Variants in PTPRD observed in about 807,000 individuals in gnomAD.
PTPRD encodes the protein receptor-type tyrosine-protein phosphatase delta.
Under a neutral mutation model 214.5 loss-of-function variants are expected in PTPRD, and 34 were observed. The observed-to-expected ratio is 0.16, with a 90% CI of 0.12 to 0.21. The LOEUF is 0.21. Ranked by LOEUF, PTPRD falls within the 10% of genes least tolerant of loss-of-function variation. PTPRD has a pLI of 1.00. For synonymous variants in PTPRD, 1,128 were observed against 845.7 expected (o/e 1.33, Z -5.79); for missense variants, 2,545 against 2,398.7 (o/e 1.06, Z -1.27).
At chr9:10,031,326 C>A (rs1047951797) in intron 4 of PTPRD, among the ~76,000 whole-genome samples, 9 of 151,792 alleles carry the variant, frequency 5.9e-5, no homozygotes, top group Non-Finnish European at 8.8e-5. Flanking sequence ...ATGGGTGTTG[C>A]CAAAGGAGAT....
chr9:10,089,187 C>A (rs1434802137), intron 3 of PTPRD, among the ~76,000 whole-genome samples: 1 of 149,024 alleles, frequency 6.7e-6, no homozygotes. Context: ...GCCTGGGTGA[C>A]AGAATGAGAA....
chr9:8,646,335 G>A (rs542484592), intron 12 of PTPRD, among the ~76,000 whole-genome samples: 116 of 152,234 alleles, frequency 7.6e-4, no homozygotes, highest in African/African-American at 2.6e-3. Context: ...TAACGCATCT[G>A]TGACTACAGC....
At chr9:9,029,744 A>G (rs1482637271) in intron 10 of PTPRD, among the ~76,000 whole-genome samples, 3 of 151,906 alleles carry the variant, frequency 2.0e-5, no homozygotes, top group African/African-American at 7.2e-5. Context: ...TTCATCTCTC[A>G]GTGGAATGAA....
intron 5 of PTPRD, among the ~76,000 whole-genome samples, chr9:9,832,601 G>A (rs1389900120): frequency 1.3e-5 from 2 of 151,948 alleles, no homozygotes; most frequent in East Asian, 3.9e-4. Context: ...TTAGGTTTGG[G>A]GGTCTGTGAT....
chr9:9,112,173 T>C (rs1046455815), intron 10 of PTPRD, among the ~76,000 whole-genome samples: 3 of 152,182 alleles, frequency 2.0e-5, no homozygotes, highest in Non-Finnish European at 2.9e-5. Context: ...CTTTTTGGCA[T>C]GAAAAATGGA....
chr9:9,896,271 T>C (rs573938611), intron 5 of PTPRD, among the ~76,000 whole-genome samples: 16 of 152,148 alleles, frequency 1.1e-4, no homozygotes, highest in African/African-American at 3.9e-4. Flanking sequence ...AATGAAAGAC[T>C]TCGGAAAGTT....
At chr9:10,098,602 A>G (rs2154210590) in intron 3 of PTPRD, among the ~76,000 whole-genome samples, 1 of 151,878 alleles carries the variant, frequency 6.6e-6, no homozygotes, top group South Asian at 2.1e-4. Context: ...TCTGAGCCAT[A>G]TTTTTCTCAG....
chr9:9,668,195 T>A (rs1346112225), intron 7 of PTPRD, among the ~76,000 whole-genome samples: 1 of 152,176 alleles, frequency 6.6e-6, no homozygotes, highest in Non-Finnish European at 1.5e-5. Flanking sequence ...TAACTGATTA[T>A]AAGCACAACC....
intron 5 of PTPRD, among the ~76,000 whole-genome samples, chr9:9,792,145 A>ATTACTCTTTT (rs2098972394): frequency 1.3e-5 from 2 of 151,570 alleles, no homozygotes; most frequent in Non-Finnish European, 2.9e-5. Context: ...ATTACTCTTT[A>ATTACTCTTTT]TTTTTTTCAC....
At chr9:10,280,099 A>G (rs2095008777) in intron 3 of PTPRD, among the ~76,000 whole-genome samples, 1 of 152,180 alleles carries the variant, frequency 6.6e-6, no homozygotes, top group Admixed American at 6.5e-5. Flanking sequence ...CATTATATAT[A>G]CATAACTGCT....
chr9:8,759,986 T>C (rs887928649), intron 11 of PTPRD, among the ~76,000 whole-genome samples: 1 of 152,224 alleles, frequency 6.6e-6, no homozygotes, highest in Non-Finnish European at 1.5e-5. Flanking sequence ...CCCTTCTCCC[T>C]ACTAATCAGG....
chr9:10,155,702 G>A (rs1003763100), intron 3 of PTPRD, among the ~76,000 whole-genome samples: 1 of 152,104 alleles, frequency 6.6e-6, no homozygotes, highest in South Asian at 2.1e-4. Flanking sequence ...ATTGAGATAA[G>A]TATGTGGTTT....
At chr9:9,575,394 G>A (rs571879893) in intron 7 of PTPRD, among the ~76,000 whole-genome samples, 7 of 151,624 alleles carry the variant, frequency 4.6e-5, no homozygotes, top group African/African-American at 1.5e-4. Flanking sequence ...TTTAAAATAC[G>A]CCAGTTAGTT....
intron 7 of PTPRD, among the ~76,000 whole-genome samples, chr9:9,691,732 A>C (rs1274672846): frequency 6.6e-6 from 1 of 152,032 alleles, no homozygotes; most frequent in East Asian, 1.9e-4. Flanking sequence ...ACTAATTTAC[A>C]TTCCCACCAA....
At chr9:9,803,768 A>C (rs2153517899) in intron 5 of PTPRD, 1 of 152,128 alleles carries the variant, frequency 6.6e-6, no homozygotes, top group South Asian at 2.1e-4. Context: ...TTAAAGGTAA[A>C]AACATAACAA....
chr9:8,940,661 C>A lies in PTPRD; in HGVS notation c.-104+78036G>T, dbSNP rs896372412. On this transcript the variant is annotated intron_variant, in intron 11 of 45. Coordinates refer to ENST00000381196, the MANE Select transcript of PTPRD (RefSeq NM_002839.4). ...GACCCTAAATTAGGAATTTTACCTCCCACCTGGGAACTTTCTAATGTAATG... is the reference window on the plus strand; with the variant it reads ...GACCCTAAATTAGGAATTTTACCTCACACCTGGGAACTTTCTAATGTAATG... Among the ~76,000 whole-genome samples, 5 of 151,920 alleles carry A rather than the reference C, an allele frequency of 3.3e-5. No homozygotes were observed. The East Asian group carries it at 9.7e-4, about 30-fold the overall frequency.
intron 5 of PTPRD, among the ~76,000 whole-genome samples, chr9:9,842,796 G>A (rs1476567663): frequency 6.6e-6 from 1 of 151,888 alleles, no homozygotes; most frequent in Admixed American, 6.6e-5. Flanking sequence ...TGGAAGAAAA[G>A]GGAATGTCTT....
At chr9:9,988,078 T>A (rs1425920602) in intron 4 of PTPRD, among the ~76,000 whole-genome samples, 2 of 152,184 alleles carry the variant, frequency 1.3e-5, no homozygotes, top group Admixed American at 1.3e-4. Context: ...TACAAGAATA[T>A]TTATTTGGGA....
intron 8 of PTPRD, among the ~76,000 whole-genome samples, chr9:9,559,861 A>T (rs532114678): frequency 2.5e-3 from 374 of 152,322 alleles, no homozygotes; most frequent in Non-Finnish European, 3.4e-3. Context: ...GCATAAGTGG[A>T]GAGCCAAGCT....
Sources: allele counts gnomAD v4.1 joint callset (sites outside exome capture counted in the v4.1 genomes callset), GRCh38; gene constraint gnomAD v4.1.1; transcripts MANE v1.5; gene names NCBI Gene and HGNC (gene_info 2026-07-23, HGNC 2026-07-21).